Variants in GAL3ST1 observed in about 807,000 individuals in gnomAD.
GAL3ST1 encodes galactosylceramide sulfotransferase.
In GAL3ST1, 13 loss-of-function variants were observed where a neutral mutation model predicts 25.0. The observed-to-expected ratio is 0.52, with a 90% CI of 0.34 to 0.83. The LOEUF is 0.83. GAL3ST1 is among the 40% of genes least tolerant of loss of function. The pLI, the probability that GAL3ST1 is intolerant of heterozygous loss-of-function variation, is 0.02. For synonymous variants in GAL3ST1, 274 were observed against 277.8 expected, an observed-to-expected ratio of 0.99 and a Z score of 0.14; for missense variants, 474 against 613.6, an observed-to-expected ratio of 0.77 and a Z score of 2.40.
At chr22:30,568,490 G>A (rs2086689674) in intron 1 of GAL3ST1, among the ~76,000 whole-genome samples, 1 of 152,176 alleles carries the variant, frequency 6.6e-6, no homozygotes, top group Non-Finnish European at 1.5e-5. Context: ...GAGCTGGGAG[G>A]AGCCTAGGTC....
intron 1 of GAL3ST1, among the ~76,000 whole-genome samples, chr22:30,567,083 A>G (rs1461943666): frequency 1.3e-5 from 2 of 152,108 alleles, no homozygotes; most frequent in Non-Finnish European, 2.9e-5. Flanking sequence ...CAGCCACCCA[A>G]GTAGCTGGGA....
chr22:30,564,900 C>T (rs961275257), intron 1 of GAL3ST1: 1 of 152,260 alleles, frequency 6.6e-6, no homozygotes, highest in African/African-American at 2.4e-5. Flanking sequence ...TCTGCGATCA[C>T]TGGGAGACAG....
chr22:30,562,077 A>C (rs1157269852), intron 1 of GAL3ST1, among the ~76,000 whole-genome samples: 2 of 152,174 alleles, frequency 1.3e-5, no homozygotes, highest in African/African-American at 4.8e-5. Context: ...AAAAGACAGG[A>C]TCTTGCTCCA....
chr22:30,556,224 G>C (rs1340647338), intron 3 of GAL3ST1, 131 bp from the exon 4 acceptor site: 1 of 744,788 alleles, frequency 1.3e-6, no homozygotes, highest in Non-Finnish European at 2.1e-6. Flanking sequence ...TGTGGGGCCT[G>C]AGTCCAGGCT....
At chr22:30,574,214 G>A (rs1223624017) in intron 1 of GAL3ST1, among the ~76,000 whole-genome samples, 2 of 151,976 alleles carry the variant, frequency 1.3e-5, no homozygotes, top group Non-Finnish European at 2.9e-5. Context: ...AGCCCTGGAA[G>A]GGGGGTTGGG....
At chr22:30,559,846 C>T (rs2146369778) in intron 1 of GAL3ST1, among the ~76,000 whole-genome samples, 1 of 152,358 alleles carries the variant, frequency 6.6e-6, no homozygotes, top group Admixed American at 6.5e-5. Context: ...AACCAGGTCC[C>T]CAAACTTTCT....
At chr22:30,556,232 G>T in intron 3 of GAL3ST1, 139 bp from the exon 4 acceptor site, 3 of 699,396 alleles carry the variant, frequency 4.3e-6, no homozygotes, top group Non-Finnish European at 4.7e-6. Flanking sequence ...CTGAGTCCAG[G>T]CTGGGTGCCT....
Position 30,555,229 on chromosome 22 carries a change from G to A in GAL3ST1, c.996C>T (p.Ala332=), listed in dbSNP as rs752403006. 1.9e-5 allele frequency: 31 copies of A among 1,598,456 alleles called. 2 individuals are homozygous for A. Among genetic ancestry groups the A allele is most frequent in the Middle Eastern group, 1.7e-4 (1 of 6,036 alleles). ...FGRERMAREV[A]ALRHANERMR... is the part of the protein sequence containing the mutation. Reference sequence around the variant, plus strand: ...TGCGCTCGTTGGCATGGCGCAGGGCGGCCACCTCGCGGGCCATGCGCTCCC... The same window carrying A: ...TGCGCTCGTTGGCATGGCGCAGGGCAGCCACCTCGCGGGCCATGCGCTCCC... Residue 332 remains alanine (A), a synonymous_variant, in exon 4 of 4, where the codon GCC becomes GCT. Coordinates refer to ENST00000406361, the MANE Select transcript of GAL3ST1 (RefSeq NM_001318104.2). This position sits in a 1 kb window ranked among gnomAD's most constrained non-coding sequence, Gnocchi z 8.6.
chr22:30,559,935 CAT>C (rs2086287301), intron 1 of GAL3ST1, among the ~76,000 whole-genome samples: 2 of 152,260 alleles, frequency 1.3e-5, no homozygotes, highest in South Asian at 2.1e-4. Flanking sequence ...GGAAAAGTCA[CAT>C]GTGCTAATAA....
Position 30,556,143 on chromosome 22 carries a change from T to C in GAL3ST1, c.132-50A>G, listed in dbSNP as rs762186884. On this transcript the variant is annotated intron_variant, in intron 3 of 3. Coordinates refer to ENST00000406361, the MANE Select transcript of GAL3ST1 (RefSeq NM_001318104.2). ...GAGCCTCAGGGGGGTGCTGGGGCCC[T>C]CAGGACTCTGGTAGTTAGAGAGGGA... 8.4e-6 allele frequency: 12 copies of C among 1,425,666 alleles called. No homozygotes were observed. In the Admixed American group the frequency reaches 2.2e-4, roughly 26 times the overall value. 88.3% of individuals were successfully genotyped at this position (1,425,666 alleles called of 1,614,324 possible). A position where few individuals can be genotyped will look rare whatever the true frequency, so the allele number is the denominator to read the frequency against.
Position 30,555,963 on chromosome 22 carries a change from T to G in GAL3ST1, c.262A>C (p.Ser88Arg). Residue 88 changes from serine (S) to arginine (R), a missense_variant, in exon 4 of 4, where the codon AGC becomes CGC. Transcript: ENST00000406361. This position sits in a 1 kb window ranked among gnomAD's most constrained non-coding sequence, Gnocchi z 8.6. ...IVFLKTHKTA[S>R]STLLNILFRF... ...AACAGGATGTTGAGCAGGGTGCTGC[T>G]GGCCGTCTTGTGCGTCTTCAAGAAC... The G allele has an allele frequency of 6.2e-7, 1 of 1,613,924 alleles. No homozygotes were observed. The highest frequency in any genetic ancestry group is 8.5e-7 in the Non-Finnish European group (1 of 1,180,002).
At chr22:30,557,472 C>A in intron 2 of GAL3ST1, 71 bp from the exon 3 acceptor site, 1 of 1,572,188 alleles carries the variant, frequency 6.4e-7, no homozygotes, top group Non-Finnish European at 8.7e-7. Context: ...GCTGCCCAGG[C>A]CTGGCAGTTG....
intron 1 of GAL3ST1, among the ~76,000 whole-genome samples, chr22:30,568,807 G>A (rs2086699198): frequency 6.6e-6 from 1 of 151,980 alleles, no homozygotes; most frequent in South Asian, 2.1e-4. Context: ...CTGGCGCAGT[G>A]GCTCACGCCT....
intron 1 of GAL3ST1, among the ~76,000 whole-genome samples, chr22:30,559,926 GA>G (rs1471296348): frequency 6.6e-6 from 1 of 152,222 alleles, no homozygotes; most frequent in Non-Finnish European, 1.5e-5. Context: ...CTGAGGCCAG[GA>G]AAAGTCACAT....
rs774187197 is a variant in GAL3ST1 at position 30,556,046 on chromosome 22, T to C, written c.179A>G (p.Glu60Gly). The change falls in exon 4 of 4, where the codon GAG (glutamate) becomes GGG (glycine). Residue 60 changes from glutamate to glycine, a missense_variant. This residue lies in a region of GAL3ST1 where 115 missense variants were observed against 109.2 expected (regional missense o/e 1.05). Coordinates refer to ENST00000406361, the MANE Select transcript of GAL3ST1 (RefSeq NM_001318104.2). ...ASCSPPALEP[E>G]AVIRANGSAG... ...CGAGCCGTTGGCCCGGATCACTGCC[T>C]CTGGCTCGAGTGCAGGTGGAGAGCA... 9 of 1,612,274 alleles carry C rather than the reference T, an allele frequency of 5.6e-6. No individual in the cohort carries two copies. The Admixed American group carries it at 1.3e-4, about 24-fold the overall frequency.
chr22:30,554,876 C>T lies in GAL3ST1; in HGVS notation c.*77G>A, dbSNP rs1208450628. The T allele has an allele frequency of 1.2e-5, 14 of 1,199,340 alleles. No individual in the cohort carries two copies. The highest frequency in any genetic ancestry group is 3.2e-5 in the South Asian group (2 of 62,340). 74.3% of individuals were successfully genotyped at this position (1,199,340 alleles called of 1,614,324 possible). A position where few individuals can be genotyped will look rare whatever the true frequency, so the allele number is the denominator to read the frequency against. On this transcript the variant is annotated 3_prime_UTR_variant, in exon 4 of 4. Coordinates refer to ENST00000406361, the MANE Select transcript of GAL3ST1 (RefSeq NM_001318104.2). ...GGTGGCACCAGGAGGGGGCTGGGGG[C>T]GGCCAGCACCAGCGGCGTCCTGCTC...
chr22:30,574,511 G>T lies in GAL3ST1; in HGVS notation c.-165C>A, dbSNP rs1216815502. On this transcript the variant is annotated 5_prime_UTR_variant, in exon 1 of 4. Transcript: ENST00000406361. ...CCTCAGCGTGGCTGGCTCGGCCCGG[G>T]CCGCGCCGCCCGGGCGCTCACTGGG... is the stretch of plus-strand genomic sequence containing the variant. 2.0e-5 allele frequency: 3 copies of T among 149,728 alleles called. No homozygotes were observed. Among genetic ancestry groups the T allele is most frequent in the Non-Finnish European group, 4.5e-5 (3 of 67,270 alleles). The allele number at this position is 149,728 out of a possible 1,614,324, so 9.3% of individuals were successfully genotyped here.
intron 1 of GAL3ST1, among the ~76,000 whole-genome samples, chr22:30,561,108 G>GTT (rs1299329832): frequency 8.5e-5 from 13 of 152,132 alleles, no homozygotes. Flanking sequence ...CCACACTCAA[G>GTT]TAATTTTTGC....
intron 3 of GAL3ST1, among the ~76,000 whole-genome samples, chr22:30,556,309 T>C (rs747361685): frequency 2.6e-5 from 4 of 152,312 alleles, no homozygotes; most frequent in Admixed American, 6.5e-5. Flanking sequence ...TAACAGGCCC[T>C]ATTCACGGTG....
Sources: gnomAD v4.1 joint callset for allele counts (sites outside exome capture counted in the v4.1 genomes callset) on GRCh38, gnomAD v4.1.1 for gene constraint, gnomAD v4.1.1 regional missense constraint, Gnocchi (gnomAD v3.1) non-coding constraint, MANE v1.5 for transcripts, NCBI Gene and HGNC (gene_info 2026-07-23, HGNC 2026-07-21) for gene names.